Variants in SMAD2 observed in about 807,000 individuals in gnomAD.
The protein encoded by SMAD2 is SMAD family member 2, also known as MAD homolog 2.
A neutral mutation model predicts 64.4 loss-of-function variants in SMAD2; 8 were observed. The ratio of observed to expected loss-of-function variants is 0.12; its 90% confidence interval spans 0.07 to 0.22. The LOEUF is 0.22. Among genes scored for constraint, SMAD2 ranks in the 10% least tolerant of loss-of-function variants. The probability of loss-of-function intolerance (pLI) is 1.00; values close to 1 mark genes in which losing one functional copy is unlikely to be tolerated. For missense variants in SMAD2, 289 were observed against 561.2 expected (o/e 0.51, Z 4.90); for synonymous variants, 203 against 195.8 (o/e 1.04, Z -0.31).
In SMAD2 at chr18:47,830,944, C is replaced by T. The variant is rs1912965634; in HGVS notation, c.*10883G>A. ...CTTTGGCTGTGAGCAAAAAAGTTAA[C>T]TAAGTTTCACTTAATACACACACAC... On this transcript the variant is annotated 3_prime_UTR_variant, in exon 11 of 11. Coordinates refer to ENST00000262160, the MANE Select transcript of SMAD2 (RefSeq NM_005901.6). The T allele has an allele frequency of 6.7e-6, 1 of 150,072 alleles. No individual in the cohort carries two copies. Among genetic ancestry groups the T allele is most frequent in the Non-Finnish European group, 1.5e-5 (1 of 67,996 alleles). 9.3% of individuals were successfully genotyped at this position (150,072 alleles called of 1,614,324 possible). A position where few individuals can be genotyped will look rare whatever the true frequency, so the allele number is the denominator to read the frequency against.
At chr18:47,913,408 T>C (rs957138926) in intron 1 of SMAD2, among the ~76,000 whole-genome samples, 1 of 152,200 alleles carries the variant, frequency 6.6e-6, no homozygotes, top group Non-Finnish European at 1.5e-5. Context: ...CAGTGTCCCA[T>C]GTCTTACAAG....
intron 1 of SMAD2, chr18:47,912,466 C>A (rs970328282): frequency 6.6e-6 from 1 of 152,232 alleles, no homozygotes; most frequent in South Asian, 2.1e-4. Flanking sequence ...CAGTTTTATA[C>A]ATGCCTTTAT....
At chr18:47,862,893 G>A (rs1201358187) in intron 6 of SMAD2, among the ~76,000 whole-genome samples, 1 of 151,836 alleles carries the variant, frequency 6.6e-6, no homozygotes, top group African/African-American at 2.4e-5. Context: ...ATACTACAAA[G>A]GTTAATCGAA....
At position 47,896,814 on chromosome 18, in the gene SMAD2, C is replaced by A; in HGVS notation, c.-53-5G>T. Reference sequence around the variant, plus strand: ...AAACAGCCTCTTGTATCGAACCTAGCAGAAATATTGAAAGGATGATGTAGA... The same window carrying A: ...AAACAGCCTCTTGTATCGAACCTAGAAGAAATATTGAAAGGATGATGTAGA... On this transcript the variant is annotated splice_region_variant and splice_polypyrimidine_tract_variant and intron_variant, in intron 1 of 10. Transcript: ENST00000262160. The A allele has an allele frequency of 6.3e-7, 1 of 1,576,430 alleles. No individual in the cohort carries two copies. The highest frequency in any genetic ancestry group is 1.1e-5 in the South Asian group (1 of 87,536).
At position 47,829,774 on chromosome 18, in the gene SMAD2, TTTTTATG is replaced by T. The variant is rs1286581316; in HGVS notation, c.*12046_*12052del. On this transcript the variant is annotated 3_prime_UTR_variant, in exon 11 of 11. Coordinates refer to ENST00000262160, the MANE Select transcript of SMAD2 (RefSeq NM_005901.6). ...TAAAATTTAGTTTACCAAATGTAGC[TTTTTATG>T]TTTTATGTTTTACCAACAAATAATT... 2.6e-5 allele frequency: 4 copies of T among 152,356 alleles called. No individual in the cohort carries two copies. The highest frequency in any genetic ancestry group is 6.5e-5 in the Admixed American group (1 of 15,306). 9.4% of individuals were successfully genotyped at this position (152,356 alleles called of 1,614,324 possible). A position where few individuals can be genotyped will look rare whatever the true frequency, so the allele number is the denominator to read the frequency against.
rs1413982790 is a variant in SMAD2, at chr18:47,831,677, A to T, written c.*10150T>A. The T allele has an allele frequency of 6.6e-6, 1 of 152,140 alleles. No homozygotes were observed. The highest frequency in any genetic ancestry group is 2.4e-5 in the African/African-American group (1 of 41,436). The allele number at this position is 152,140 out of a possible 1,614,324, so 9.4% of individuals were successfully genotyped here. On this transcript the variant is annotated 3_prime_UTR_variant, in exon 11 of 11. Coordinates refer to ENST00000262160, the MANE Select transcript of SMAD2 (RefSeq NM_005901.6). Reference sequence around the variant, plus strand: ...TTAGTCTATTGTTCATTTATCACTGAATCTGTTATCTGCTAAGTCTGATTC... The same window carrying T: ...TTAGTCTATTGTTCATTTATCACTGTATCTGTTATCTGCTAAGTCTGATTC...
chr18:47,893,079 C>T (rs549790467), intron 2 of SMAD2, among the ~76,000 whole-genome samples: 2 of 152,298 alleles, frequency 1.3e-5, no homozygotes, highest in South Asian at 2.1e-4. Flanking sequence ...ACCAAGTTGT[C>T]TCCCATCCCT....
chr18:47,856,166 T>C lies in SMAD2; in HGVS notation c.731-4839A>G, dbSNP rs1042730616. Among the ~76,000 whole-genome samples, 3 of 150,962 alleles carry C rather than the reference T, an allele frequency of 2.0e-5. 1 individual carries two copies. Among genetic ancestry groups the C allele is most frequent in the South Asian group, 2.1e-4 (1 of 4,786 alleles). Reference sequence around the variant, plus strand: ...GTTTTTTTTTTTTAAGCCAAATACATAGAAACATAATAAAATGGTGATTAC... The same window carrying C: ...GTTTTTTTTTTTTAAGCCAAATACACAGAAACATAATAAAATGGTGATTAC... On this transcript the variant is annotated intron_variant, in intron 6 of 10. Transcript: ENST00000262160.
Position 47,809,410 on chromosome 18 carries a change from A to C in SMAD2, c.*32417T>G, listed in dbSNP as rs1912130123. 1 of 152,356 alleles carries C rather than the reference A, an allele frequency of 6.6e-6. No individual in the cohort carries two copies. The highest frequency in any genetic ancestry group is 2.4e-5 in the African/African-American group (1 of 41,460). The allele number at this position is 152,356 out of a possible 1,614,324, so 9.4% of individuals were successfully genotyped here. On this transcript the variant is annotated 3_prime_UTR_variant, in exon 11 of 11. Coordinates refer to ENST00000262160, the MANE Select transcript of SMAD2 (RefSeq NM_005901.6). ...CTCCAATCTGGAACTGGAACCAGGTAGAGATAAGGATAACCTGTGGGGGAA... is the reference window on the plus strand; with the variant it reads ...CTCCAATCTGGAACTGGAACCAGGTCGAGATAAGGATAACCTGTGGGGGAA...
chr18:47,871,510 C>G (rs2031929607), intron 2 of SMAD2, among the ~76,000 whole-genome samples: 1 of 152,228 alleles, frequency 6.6e-6, no homozygotes, highest in Non-Finnish European at 1.5e-5. Context: ...ACAGAACCAC[C>G]TGGCATCCTT....
In SMAD2 at chr18:47,849,487, GTATA is replaced by G. The variant is rs10584029; in HGVS notation, c.785-804_785-801del. 9.3e-3 allele frequency among the ~76,000 whole-genome samples: 1,371 copies of G among 148,158 alleles called. 28 individuals are homozygous for G. The highest frequency in any genetic ancestry group is 0.035 in the East Asian group (180 of 5,076). On this transcript the variant is annotated intron_variant, in intron 7 of 10. Transcript: ENST00000262160. ...TAATAATAGTAATACAGAAATGTATGTATATATATATATATATATATAGTCATCC... is the reference window on the plus strand; with the variant it reads ...TAATAATAGTAATACAGAAATGTATGTATATATATATATATATAGTCATCC...
chr18:47,928,452 GACA>G (rs1388926441), intron 1 of SMAD2, among the ~76,000 whole-genome samples: 1 of 152,154 alleles, frequency 6.6e-6, no homozygotes, highest in Non-Finnish European at 1.5e-5. Flanking sequence ...ATGAAAAGGG[GACA>G]ACAACCTCTG....
rs576686397 is a variant in SMAD2 at position 47,846,831 on chromosome 18, A to C, written c.998-1031T>G. On this transcript the variant is annotated intron_variant, in intron 8 of 10. Coordinates refer to ENST00000262160, the MANE Select transcript of SMAD2 (RefSeq NM_005901.6). ...ACCCACAGAAACCGTGAGGTAAAAA[A>C]CTGATGTTTTAGGCCACTGAGTTTG... Among the ~76,000 whole-genome samples the C allele has an allele frequency of 2.6e-5, 4 of 152,262 alleles. No individual in the cohort carries two copies. The South Asian group carries it at 8.3e-4, about 32-fold the overall frequency.
rs5824708 is a variant in SMAD2, at chr18:47,830,576, C to CAAAAAAAAAAAAAAAAAAAAAAAAAAAA, written c.*11250_*11251insTTTTTTTTTTTTTTTTTTTTTTTTTTTT. ...GGGCAACAGAGCAAGACTCTGTCTC[C>CAAAAAAAAAAAAAAAAAAAAAAAAAAAA]AAAAAAAAAAAAAAAAAATTCGTTT... On this transcript the variant is annotated 3_prime_UTR_variant, in exon 11 of 11. Transcript: ENST00000262160. 5 of 125,450 alleles carry CAAAAAAAAAAAAAAAAAAAAAAAAAAAA rather than the reference C, an allele frequency of 4.0e-5. No individual in the cohort carries two copies. The highest frequency in any genetic ancestry group is 1.6e-4 in the African/African-American group (5 of 31,104). 7.8% of individuals were successfully genotyped at this position (125,450 alleles called of 1,614,324 possible). A position where few individuals can be genotyped will look rare whatever the true frequency, so the allele number is the denominator to read the frequency against.
chr18:47,929,218 G>A (rs1347131894), intron 1 of SMAD2, among the ~76,000 whole-genome samples: 1 of 152,104 alleles, frequency 6.6e-6, no homozygotes, highest in African/African-American at 2.4e-5. Context: ...TTAACTATTT[G>A]ACTAACTTCT....
chr18:47,864,401 A>G (rs1029638056), intron 6 of SMAD2, among the ~76,000 whole-genome samples: 1 of 152,208 alleles, frequency 6.6e-6, no homozygotes, highest in Non-Finnish European at 1.5e-5. Flanking sequence ...GACTGATGGT[A>G]TAATTTGTCA....
At chr18:47,857,278 T>A (rs953359560) in intron 6 of SMAD2, among the ~76,000 whole-genome samples, 5 of 152,228 alleles carry the variant, frequency 3.3e-5, no homozygotes, top group Non-Finnish European at 7.4e-5. Flanking sequence ...TACAACATTA[T>A]AATCATCAAA....
chr18:47,877,699 A>G (rs2032344492), intron 2 of SMAD2, among the ~76,000 whole-genome samples: 1 of 152,156 alleles, frequency 6.6e-6, no homozygotes, highest in South Asian at 2.1e-4. Context: ...TCTCTTCCCC[A>G]TATTTTATTT....
Position 47,839,790 on chromosome 18 carries a change from C to A in SMAD2, c.*2037G>T. The A allele has an allele frequency of 4.3e-6, 1 of 233,264 alleles. No individual in the cohort carries two copies. The highest frequency in any genetic ancestry group is 8.5e-6 in the Non-Finnish European group (1 of 118,052). The allele number at this position is 233,264 out of a possible 1,614,324, so 14.4% of individuals were successfully genotyped here. A position where few individuals can be genotyped will look rare whatever the true frequency, so the allele number is the denominator to read the frequency against. On this transcript the variant is annotated 3_prime_UTR_variant, in exon 11 of 11. Transcript: ENST00000262160. ...GAACCTTTTTGCATTTGATGCTATTCTCTTTGCCAGGAATGCTTATCTCCC... is the reference window on the plus strand; with the variant it reads ...GAACCTTTTTGCATTTGATGCTATTATCTTTGCCAGGAATGCTTATCTCCC...
Sources: allele counts gnomAD v4.1 joint callset (sites outside exome capture counted in the v4.1 genomes callset), GRCh38; gene constraint gnomAD v4.1.1; transcripts MANE v1.5; gene names NCBI Gene and HGNC (gene_info 2026-07-23, HGNC 2026-07-21).